Variants in CYRIB observed in about 807,000 individuals in gnomAD.
CYRIB encodes the protein CYFIP-related Rac1 interactor B.
Under a neutral mutation model 44.2 loss-of-function variants are expected in CYRIB, and 8 were observed. That is an observed-to-expected ratio of 0.18 (90% CI 0.11 to 0.33). The LOEUF is 0.33. Among genes scored for constraint, CYRIB ranks in the 10% least tolerant of loss-of-function variants. The probability of loss-of-function intolerance (pLI) is 1.00; values close to 1 mark genes in which losing one functional copy is unlikely to be tolerated. For synonymous variants in CYRIB, 131 were observed against 127.2 expected (o/e 1.03, Z -0.20); for missense variants, 185 against 382.8 (o/e 0.48, Z 4.31).
At chr8:129,979,107 C>T (rs1233940813) in intron 1 of CYRIB, among the ~76,000 whole-genome samples, 2 of 151,946 alleles carry the variant, frequency 1.3e-5, no homozygotes, top group Non-Finnish European at 2.9e-5. Flanking sequence ...TGACACTGCA[C>T]TCCAGCCTAG....
chr8:129,933,811 T>C (rs1351642351), intron 1 of CYRIB, among the ~76,000 whole-genome samples: 5 of 151,200 alleles, frequency 3.3e-5, no homozygotes, highest in Admixed American at 1.3e-4. Flanking sequence ...GAGGCGGAGG[T>C]TGTAGTGAGC....
At chr8:129,857,914 C>T (rs1175314998) in intron 5 of CYRIB, among the ~76,000 whole-genome samples, 1 of 152,218 alleles carries the variant, frequency 6.6e-6, no homozygotes, top group East Asian at 1.9e-4. Flanking sequence ...TTTCAGCATT[C>T]CAAGTTCTCT....
intron 9 of CYRIB, chr8:129,850,223 T>C (rs889065692): frequency 6.5e-6 from 1 of 152,760 alleles, no homozygotes; most frequent in East Asian, 1.9e-4. Context: ...CAAAACGTCA[T>C]TAAGCAGCAC....
At chr8:129,897,279 C>A (rs1181501582) in intron 2 of CYRIB, among the ~76,000 whole-genome samples, 1 of 152,122 alleles carries the variant, frequency 6.6e-6, no homozygotes, top group East Asian at 1.9e-4. Context: ...AGACTTTGGT[C>A]AATTTTTAGA....
chr8:129,999,486 C>T (rs992062227), intron 1 of CYRIB, among the ~76,000 whole-genome samples: 1 of 152,258 alleles, frequency 6.6e-6, no homozygotes, highest in African/African-American at 2.4e-5. Flanking sequence ...AATTGACACC[C>T]TCAGGTGATG....
chr8:129,974,767 T>C (rs981124143), intron 1 of CYRIB, among the ~76,000 whole-genome samples: 3 of 151,866 alleles, frequency 2.0e-5, no homozygotes, highest in African/African-American at 7.2e-5. Flanking sequence ...TTGCCCAGGC[T>C]GGAGTGCAGT....
At chr8:129,841,151 C>T (rs2036123265) in exon 12 of CYRIB, 1 of 152,128 alleles carries the variant, frequency 6.6e-6, no homozygotes, top group African/African-American at 2.4e-5. Flanking sequence ...GGCTACTCTG[C>T]CTTCATGTTG....
intron 1 of CYRIB, 99 bp from the exon 4 acceptor site, chr8:129,903,449 ATGCACG>A (rs547718085): frequency 6.6e-4 from 100 of 152,668 alleles, no homozygotes; most frequent in African/African-American, 2.3e-3. Flanking sequence ...GAATGCCATC[ATGCACG>A]TGCACATTTT....
intron 3 of CYRIB, among the ~76,000 whole-genome samples, chr8:129,878,349 C>T (rs1478655604): frequency 6.6e-6 from 1 of 152,092 alleles, no homozygotes; most frequent in African/African-American, 2.4e-5. Flanking sequence ...TAGAATGATT[C>T]ATAAAATAGA....
intron 2 of CYRIB, among the ~76,000 whole-genome samples, chr8:129,957,553 C>T (rs560120346): frequency 2.0e-5 from 3 of 152,116 alleles, no homozygotes; most frequent in Non-Finnish European, 4.4e-5. Context: ...TTTTTATTGC[C>T]GGCACGATGG....
At chr8:129,996,870 T>C (rs1407819648) in intron 1 of CYRIB, among the ~76,000 whole-genome samples, 1 of 152,098 alleles carries the variant, frequency 6.6e-6, no homozygotes, top group African/African-American at 2.4e-5. Flanking sequence ...AAAGGATTCC[T>C]AACGATGGAA....
At chr8:129,880,155 G>C (rs1413792899) in intron 2 of CYRIB, among the ~76,000 whole-genome samples, 1 of 152,186 alleles carries the variant, frequency 6.6e-6, no homozygotes, top group Non-Finnish European at 1.5e-5. Flanking sequence ...ACTAATGAAA[G>C]GACAGCACTG....
chr8:129,952,558 T>A (rs770619419), intron 2 of CYRIB, among the ~76,000 whole-genome samples: 2 of 152,152 alleles, frequency 1.3e-5, no homozygotes, highest in Non-Finnish European at 1.5e-5. Context: ...GAAATAATAT[T>A]CTTTTTCATT....
chr8:129,951,534 G>T (rs1279805714), intron 2 of CYRIB, among the ~76,000 whole-genome samples: 1 of 151,606 alleles, frequency 6.6e-6, no homozygotes, highest in Admixed American at 6.6e-5. Flanking sequence ...GTGAAACCCC[G>T]TTTCTACTAA....
At chr8:129,988,210 G>A (rs753803994) in intron 1 of CYRIB, among the ~76,000 whole-genome samples, 1 of 152,158 alleles carries the variant, frequency 6.6e-6, no homozygotes, top group Non-Finnish European at 1.5e-5. Context: ...CCTCTTTCTC[G>A]ATCTTCAGGG....
chr8:129,923,752 T>C (rs1396525186), intron 1 of CYRIB, among the ~76,000 whole-genome samples: 2 of 151,660 alleles, frequency 1.3e-5, no homozygotes, highest in Non-Finnish European at 2.9e-5. Context: ...ACTCCCTACC[T>C]CCGTTTAGTA....
upstream of CYRIB, among the ~76,000 whole-genome samples, chr8:129,942,434 C>A (rs2093779826): frequency 6.6e-6 from 1 of 152,218 alleles, no homozygotes; most frequent in South Asian, 2.1e-4. Flanking sequence ...TGGGTCCATT[C>A]CTGCCATGTA....
At chr8:129,993,958 C>G (rs943606200) in intron 1 of CYRIB, among the ~76,000 whole-genome samples, 1 of 152,038 alleles carries the variant, frequency 6.6e-6, no homozygotes, top group Admixed American at 6.6e-5. Context: ...TTGTGTGTCT[C>G]TCTCCACCTC....
chr8:129,852,184 G>A, exon 8 of CYRIB: 1 of 1,552,578 alleles, frequency 6.4e-7, no homozygotes, highest in Non-Finnish European at 8.7e-7. Context: ...TTTTGTTGTG[G>A]CATCACTCAA....
Sources: gnomAD v4.1 joint callset for allele counts (sites outside exome capture counted in the v4.1 genomes callset) on GRCh38, gnomAD v4.1.1 for gene constraint, MANE v1.5 for transcripts, NCBI Gene and HGNC (gene_info 2026-07-23, HGNC 2026-07-21) for gene names.